The following LRRC63 variants were observed in gnomAD, a reference collection of about 807,000 sequenced individuals.
LRRC63 encodes the protein leucine-rich repeat-containing protein 63.
Under a neutral mutation model 49.5 loss-of-function variants are expected in LRRC63, and 40 were observed. The ratio of observed to expected loss-of-function variants is 0.81; its 90% CI spans 0.63 to 1.05. The LOEUF is 1.05. Ranked by LOEUF, LRRC63 falls within the 50% of genes least tolerant of loss-of-function variation. The pLI is 0.00. For synonymous variants in LRRC63, 191 were observed against 221.1 expected, an observed-to-expected ratio of 0.86 and a Z score of 1.21; for missense variants, 636 against 663.1, an observed-to-expected ratio of 0.96 and a Z score of 0.45.
intron 9 of LRRC63, among the ~76,000 whole-genome samples, chr13:46,273,436 A>T: frequency 6.6e-6 from 1 of 151,916 alleles, no homozygotes; most frequent in East Asian, 1.9e-4. Context: ...CCCTGTCTCT[A>T]CTAAAAATAC....
At chr13:46,264,990 C>A (rs1260543286) in intron 8 of LRRC63, among the ~76,000 whole-genome samples, 1 of 152,058 alleles carries the variant, frequency 6.6e-6, no homozygotes, top group Non-Finnish European at 1.5e-5. Context: ...AACCCCGTCT[C>A]TACTAAAAAG....
chr13:46,216,998 G>T (rs2046270473), intron 2 of LRRC63, among the ~76,000 whole-genome samples: 1 of 152,346 alleles, frequency 6.6e-6, no homozygotes, highest in Admixed American at 6.5e-5. Context: ...TGTGCTGCTG[G>T]ATTCGGTTTG....
intron 3 of LRRC63, 118 bp from the exon 4 acceptor site, chr13:46,228,547 T>G: frequency 1.5e-6 from 1 of 678,540 alleles, no homozygotes; most frequent in South Asian, 1.9e-5. Context: ...TTCATGAATA[T>G]ATTTTCATGG....
At chr13:46,254,456 C>A (rs1046675672) in intron 7 of LRRC63, among the ~76,000 whole-genome samples, 2 of 152,040 alleles carry the variant, frequency 1.3e-5, no homozygotes, top group Admixed American at 6.6e-5. Flanking sequence ...TGGTCTTGAA[C>A]AGGAGGAGTA....
intron 7 of LRRC63, among the ~76,000 whole-genome samples, chr13:46,254,935 G>A (rs2047470956): frequency 6.6e-6 from 1 of 152,140 alleles, no homozygotes; most frequent in African/African-American, 2.4e-5. Flanking sequence ...GAAAAAGTCT[G>A]CAATTCAAAT....
At chr13:46,273,134 G>A (rs974739329) in intron 9 of LRRC63, among the ~76,000 whole-genome samples, 5 of 152,112 alleles carry the variant, frequency 3.3e-5, no homozygotes, top group African/African-American at 1.2e-4. Context: ...CAAATAGTTG[G>A]GGACATAGGG....
intron 7 of LRRC63, among the ~76,000 whole-genome samples, 169 bp from the exon 8 acceptor site, chr13:46,261,740 T>G (rs1189110191): frequency 6.6e-6 from 1 of 152,152 alleles, no homozygotes; most frequent in Non-Finnish European, 1.5e-5. Context: ...TGAGTAATTC[T>G]TAGGAATTTT....
intron 5 of LRRC63, among the ~76,000 whole-genome samples, chr13:46,236,425 C>A (rs2138448876): frequency 6.6e-6 from 1 of 152,210 alleles, no homozygotes; most frequent in South Asian, 2.1e-4. Flanking sequence ...CAGCAGCAAT[C>A]AAGAAGTGTT....
At chr13:46,241,852 C>T (rs1263274847) in intron 5 of LRRC63, among the ~76,000 whole-genome samples, 1 of 151,946 alleles carries the variant, frequency 6.6e-6, no homozygotes, top group Non-Finnish European at 1.5e-5. Flanking sequence ...GAAAAAGGAA[C>T]ATTTATACAC....
intron 2 of LRRC63, among the ~76,000 whole-genome samples, chr13:46,221,376 G>A (rs1266659166): frequency 3.3e-5 from 5 of 152,138 alleles, no homozygotes; most frequent in African/African-American, 9.7e-5. Flanking sequence ...CTTCATATTG[G>A]AAAGTTATGA....
At chr13:46,228,610 C>A in intron 3 of LRRC63, 55 bp from the exon 4 acceptor site, 1 of 1,046,056 alleles carries the variant, frequency 9.6e-7, no homozygotes, top group Non-Finnish European at 1.4e-6. Context: ...ATAAAACCCT[C>A]AAGTGAATTT....
chr13:46,248,187 C>CA (rs2047270201), intron 6 of LRRC63, among the ~76,000 whole-genome samples: 1 of 151,270 alleles, frequency 6.6e-6, no homozygotes, highest in Non-Finnish European at 1.5e-5. Flanking sequence ...TCACTTGATG[C>CA]AAAAAAAGGC....
intron 4 of LRRC63, among the ~76,000 whole-genome samples, chr13:46,232,208 C>T (rs1329494394): frequency 6.6e-6 from 1 of 152,192 alleles, no homozygotes; most frequent in Non-Finnish European, 1.5e-5. Context: ...CCAAACACCT[C>T]CCTCTGGGAC....
intron 7 of LRRC63, among the ~76,000 whole-genome samples, chr13:46,258,207 A>G: frequency 7.2e-6 from 1 of 138,548 alleles, no homozygotes; most frequent in Non-Finnish European, 1.5e-5. Flanking sequence ...TTGGCTCACC[A>G]CAACCTCTGC....
chr13:46,264,437 TTTAG>T (rs140900422), intron 8 of LRRC63, among the ~76,000 whole-genome samples: 5,558 of 151,490 alleles, frequency 0.037, 185 homozygotes, highest in African/African-American at 0.082. Context: ...TATTTATTTA[TTTAG>T]TTAGTTAGTT....
chr13:46,219,670 G>T (rs1372508042), intron 2 of LRRC63, among the ~76,000 whole-genome samples: 1 of 152,184 alleles, frequency 6.6e-6, no homozygotes, highest in Non-Finnish European at 1.5e-5. Context: ...TCCTTTGGAG[G>T]AGAAGAGGCA....
intron 2 of LRRC63, among the ~76,000 whole-genome samples, chr13:46,225,780 T>G (rs1255504397): frequency 1.3e-5 from 2 of 152,110 alleles, no homozygotes; most frequent in African/African-American, 4.8e-5. Flanking sequence ...TCTAGTCAGT[T>G]TTGTCAATTA....
At chr13:46,213,088 G>C (rs1566460889) in exon 2 of LRRC63, 1 of 1,549,398 alleles carries the variant, frequency 6.5e-7, no homozygotes, top group East Asian at 2.4e-5. Flanking sequence ...AATTCACTAA[G>C]CTGTCTTTAC....
chr13:46,242,904 C>T (rs532999178), intron 5 of LRRC63, among the ~76,000 whole-genome samples: 1 of 152,256 alleles, frequency 6.6e-6, no homozygotes, highest in East Asian at 1.9e-4. Flanking sequence ...CAAAAAAATG[C>T]TACAGGGAGT....
Sources: gnomAD v4.1 joint callset for allele counts (sites outside exome capture counted in the v4.1 genomes callset) on GRCh38, gnomAD v4.1.1 for gene constraint, MANE v1.5 for transcripts, NCBI Gene and HGNC (gene_info 2026-07-23, HGNC 2026-07-21) for gene names.